The following ZKSCAN5 variants were observed in gnomAD, a reference collection of about 807,000 sequenced individuals.
ZKSCAN5 encodes zinc finger protein with KRAB and SCAN domains 5.
A neutral mutation model predicts 60.0 loss-of-function variants in ZKSCAN5; 28 were observed. That is an observed-to-expected ratio of 0.47 (90% confidence interval 0.35 to 0.64). ZKSCAN5 has a LOEUF of 0.64. Ranked by LOEUF, ZKSCAN5 falls within the 30% of genes least tolerant of loss-of-function variation. The pLI is 0.01. For missense variants in ZKSCAN5, 881 were observed against 1,034.6 expected (o/e 0.85, Z 2.04); for synonymous variants, 361 against 371.2 (o/e 0.97, Z 0.31).
chr7:99,506,432 C>G lies in ZKSCAN5; in HGVS notation c.388C>G (p.Arg130Gly), dbSNP rs772388126. 2 of 1,612,620 alleles carry G rather than the reference C, an allele frequency of 1.2e-6. No homozygotes were observed. Among genetic ancestry groups the G allele is most frequent in the African/African-American group, 2.7e-5 (2 of 74,860 alleles). The change falls in exon 2 of 7, where the codon CGA becomes GGA. Residue 130 changes from arginine (R) to glycine (G), a missense_variant. Around this residue, in one of 5 missense-constraint regions of ZKSCAN5, gnomAD observed 490 missense variants for 554.5 expected, o/e 0.88. Transcript: ENST00000326775. ...GGTGGCCGTGATAGAAAATATACAG[C>G]GAGAACTTGAGGAACGCAGACAGCA... ...EAVAVIENIQ[R>G]ELEERRQQIV... is the part of the protein sequence containing the mutation.
Position 99,526,203 on chromosome 7 carries a change from AC to A in ZKSCAN5, c.1165del (p.Leu389SerfsTer25). 2 of 1,614,164 alleles carry A rather than the reference AC, an allele frequency of 1.2e-6. No individual in the cohort carries two copies. Among genetic ancestry groups the A allele is most frequent in the South Asian group, 2.2e-5 (2 of 91,082 alleles). On this transcript the variant is annotated frameshift_variant, in exon 6 of 7. Coordinates refer to ENST00000326775, the MANE Select transcript of ZKSCAN5 (RefSeq NM_145102.4). LOFTEE classifies it high-confidence loss of function. ...ECGKSYNQRV[H>X]LTQHQRVHTG... ...GGGAAGAGCTACAATCAGCGGGTGC[AC>A]CTCACCCAGCACCAGCGCGTCCACA...
intron 6 of ZKSCAN5, among the ~76,000 whole-genome samples, chr7:99,527,654 C>T (rs1801852547): frequency 6.6e-6 from 1 of 152,018 alleles, no homozygotes. Context: ...GTCCCGATAA[C>T]TGTTTATGCC....
At chr7:99,525,697 C>T (rs1448566951) in intron 5 of ZKSCAN5, 116 bp from the exon 6 acceptor site, 5 of 1,362,600 alleles carry the variant, frequency 3.7e-6, no homozygotes, top group South Asian at 1.4e-5. Context: ...CTGTAAAAGT[C>T]CCTTTACAGA....
intron 3 of ZKSCAN5, among the ~76,000 whole-genome samples, chr7:99,514,575 C>T (rs999588342): frequency 1.0e-4 from 15 of 150,430 alleles, no homozygotes; most frequent in African/African-American, 3.4e-4. Flanking sequence ...AGTTTGATAC[C>T]ATCCTGGGCA....
intron 3 of ZKSCAN5, 120 bp downstream of exon 3, chr7:99,512,711 G>A: frequency 1.6e-6 from 2 of 1,283,470 alleles, no homozygotes; most frequent in Admixed American, 3.3e-5. Flanking sequence ...AGCCTGCAGG[G>A]TCTAGAAGCA....
In ZKSCAN5 at chr7:99,525,859, T is replaced by A; in HGVS notation, c.819T>A (p.Ser273=). Residue 273 remains serine (S), a synonymous_variant, in exon 6 of 7, where the codon TCT becomes TCA. Transcript: ENST00000326775. ...TGGAGCTCATAGTGAAGCAGATTTCTGATGACTCTGAATCACACTGGGTGG... is the reference window on the plus strand; with the variant it reads ...TGGAGCTCATAGTGAAGCAGATTTCAGATGACTCTGAATCACACTGGGTGG... ...DNMELIVKQI[S]DDSESHWVAP... 2 of 1,613,992 alleles carry A rather than the reference T, an allele frequency of 1.2e-6. No homozygotes were observed. Among genetic ancestry groups the A allele is most frequent in the Non-Finnish European group, 1.7e-6 (2 of 1,179,938 alleles).
intron 3 of ZKSCAN5, among the ~76,000 whole-genome samples, chr7:99,517,353 T>C (rs943262298): frequency 3.4e-5 from 5 of 148,624 alleles, no homozygotes; most frequent in Non-Finnish European, 5.9e-5. Flanking sequence ...CGTGAGCCAC[T>C]GTGCCTGGCC....
At chr7:99,513,617 C>T (rs1311230471) in intron 3 of ZKSCAN5, 5 of 154,960 alleles carry the variant, frequency 3.2e-5, no homozygotes, top group Admixed American at 2.6e-4. Context: ...TAGTCTTGAA[C>T]TCCTGGCCTC....
At chr7:99,520,926 A>G (rs1344495054) in intron 5 of ZKSCAN5, among the ~76,000 whole-genome samples, 1 of 151,972 alleles carries the variant, frequency 6.6e-6, no homozygotes, top group Non-Finnish European at 1.5e-5. Flanking sequence ...AGTCACTGAT[A>G]CCTATTTTAT....
intron 4 of ZKSCAN5, 31 bp from the exon 5 acceptor site, chr7:99,520,138 A>G (rs770777228): frequency 6.2e-7 from 1 of 1,609,566 alleles, no homozygotes; most frequent in South Asian, 1.1e-5. Context: ...GACATAGGGA[A>G]TGAGAATTTA....
intron 2 of ZKSCAN5, among the ~76,000 whole-genome samples, chr7:99,512,218 A>G (rs997906175): frequency 1.3e-5 from 2 of 152,182 alleles, no homozygotes; most frequent in South Asian, 2.1e-4. Flanking sequence ...CCTTTCCAAC[A>G]TACAGCCCAG....
chr7:99,506,783 C>T (rs1440823226), intron 2 of ZKSCAN5, among the ~76,000 whole-genome samples: 2 of 152,196 alleles, frequency 1.3e-5, no homozygotes, highest in Middle Eastern at 3.4e-3. Context: ...CCCGGGTTCA[C>T]GCCATTCTCC....
chr7:99,512,881 G>A (rs1801103771), intron 3 of ZKSCAN5, among the ~76,000 whole-genome samples: 1 of 151,364 alleles, frequency 6.6e-6, no homozygotes, highest in Non-Finnish European at 1.5e-5. Flanking sequence ...CAATGTGCAG[G>A]TTAGTTACAT....
chr7:99,525,194 A>G (rs1456118907), intron 5 of ZKSCAN5, among the ~76,000 whole-genome samples: 1 of 145,468 alleles, frequency 6.9e-6, no homozygotes, highest in Non-Finnish European at 1.5e-5. Context: ...AATATTGCCC[A>G]GTCGCGTTGG....
chr7:99,513,719 G>A (rs970338319), intron 3 of ZKSCAN5: 2 of 348,524 alleles, frequency 5.7e-6, no homozygotes, highest in Admixed American at 3.2e-5. Flanking sequence ...TTGTCTTAAT[G>A]CTTATGTTAA....
At position 99,531,513 on chromosome 7, in the gene ZKSCAN5, A is replaced by C. The variant is rs1341473247; in HGVS notation, c.1784A>C (p.His595Pro). 1 of 1,614,122 alleles carries C rather than the reference A, an allele frequency of 6.2e-7. No individual in the cohort carries two copies. Among genetic ancestry groups the C allele is most frequent in the Non-Finnish European group, 8.5e-7 (1 of 1,180,050 alleles). Residue 595 changes from histidine (H) to proline (P), a missense_variant, in exon 7 of 7, where the codon CAT becomes CCT. His to Pro is a moderately conservative substitution (Grantham distance 77). This residue lies in a region of ZKSCAN5 where 112 missense variants were observed against 182.4 expected (regional missense o/e 0.61). Coordinates refer to ENST00000326775, the MANE Select transcript of ZKSCAN5 (RefSeq NM_145102.4). ...AACCAACGCGTGCACCTAACTCAGCATCAGCGCGTCCACACAGGTGAGAAG... is the reference window on the plus strand; with the variant it reads ...AACCAACGCGTGCACCTAACTCAGCCTCAGCGCGTCCACACAGGTGAGAAG... ...SYNQRVHLTQHQRVHTGEKPY... is the reference protein window; with the variant it reads ...SYNQRVHLTQPQRVHTGEKPY...
intron 3 of ZKSCAN5, among the ~76,000 whole-genome samples, chr7:99,517,945 A>G (rs9632722): frequency 0.18 from 27,277 of 152,156 alleles, 3,957 homozygotes; most frequent in African/African-American, 0.4. Context: ...ATTAGACAGT[A>G]CTTTTCCAAG....
intron 3 of ZKSCAN5, among the ~76,000 whole-genome samples, chr7:99,512,894 G>A (rs1031997017): frequency 6.6e-6 from 1 of 151,436 alleles, no homozygotes; most frequent in South Asian, 2.1e-4. Context: ...AGTTACATAT[G>A]TATACATGTG....
chr7:99,519,986 A>T, intron 4 of ZKSCAN5, 77 bp downstream of exon 4: 1 of 1,563,422 alleles, frequency 6.4e-7, no homozygotes, highest in Non-Finnish European at 8.8e-7. Context: ...TTAGCCAGTG[A>T]CTAGGCCCAT....
Sources: gnomAD v4.1 joint callset for allele counts (sites outside exome capture counted in the v4.1 genomes callset) on GRCh38, gnomAD v4.1.1 for gene constraint, gnomAD v4.1.1 regional missense constraint, MANE v1.5 for transcripts, NCBI Gene and HGNC (gene_info 2026-07-23, HGNC 2026-07-21) for gene names.